Variants in DPP6 observed in about 807,000 individuals in gnomAD.
The protein encoded by DPP6 is dipeptidyl peptidase like 6, also known as A-type potassium channel modulatory protein DPP6.
Under a neutral mutation model 122.6 loss-of-function variants are expected in DPP6, and 69 were observed. The observed-to-expected ratio is 0.56, with a 90% CI of 0.46 to 0.69. The LOEUF (loss-of-function observed/expected upper bound fraction) is 0.69. DPP6 is among the 30% of genes least tolerant of loss of function. The probability of loss-of-function intolerance (pLI) is 0.00; values close to 1 mark genes in which losing one functional copy is unlikely to be tolerated. For missense variants in DPP6, 928 were observed against 1,116.9 expected, an observed-to-expected ratio of 0.83 and a Z score of 2.41; for synonymous variants, 418 against 433.1, an observed-to-expected ratio of 0.97 and a Z score of 0.43.
intron 1 of DPP6, among the ~76,000 whole-genome samples, chr7:154,018,031 G>C (rs1798513386): frequency 6.6e-6 from 1 of 152,188 alleles, no homozygotes; most frequent in Non-Finnish European, 1.5e-5. Context: ...CACCTGATCT[G>C]TATGGCCCTG....
At chr7:154,499,762 T>C (rs1312858294) in intron 3 of DPP6, among the ~76,000 whole-genome samples, 1 of 151,894 alleles carries the variant, frequency 6.6e-6, no homozygotes, top group Non-Finnish European at 1.5e-5. Context: ...CCCCCCCAGA[T>C]CCCATACACT....
chr7:153,960,395 A>G (rs41521746), intron 1 of DPP6, among the ~76,000 whole-genome samples: 13,688 of 152,190 alleles, frequency 0.09, 1,145 homozygotes, highest in East Asian at 0.45. Context: ...CATTGGTCAC[A>G]TTCTTAATAG....
At chr7:154,638,321 C>A (rs6961341) in intron 6 of DPP6, among the ~76,000 whole-genome samples, 1 of 152,174 alleles carries the variant, frequency 6.6e-6, no homozygotes, top group Middle Eastern at 3.4e-3. Context: ...TGGAACATAT[C>A]TATGGGATTA....
rs148609687 is a variant in DPP6 at position 154,129,402 on chromosome 7, A to G, written c.243+76339A>G. Among the ~76,000 whole-genome samples, 749 of 152,302 alleles carry G rather than the reference A, an allele frequency of 4.9e-3. 6 individuals are homozygous for G. Among genetic ancestry groups the G allele is most frequent in the African/African-American group, 0.017 (715 of 41,552 alleles). ...TCATTTTTAGAGGACAGAGCTGCTA[A>G]GCAGAAAGCGACAGGGGGCCCAACC... On this transcript the variant is annotated intron_variant, in intron 1 of 25. Coordinates refer to ENST00000377770, the MANE Select transcript of DPP6 (RefSeq NM_130797.4).
chr7:154,125,815 A>G (rs1807842795), intron 1 of DPP6, among the ~76,000 whole-genome samples: 1 of 152,174 alleles, frequency 6.6e-6, no homozygotes, highest in African/African-American at 2.4e-5. Flanking sequence ...CAAACAGATC[A>G]TCTTCTGGCC....
chr7:154,051,810 G>A (rs1412135947), upstream of DPP6, among the ~76,000 whole-genome samples: 11 of 150,958 alleles, frequency 7.3e-5, no homozygotes, highest in African/African-American at 2.4e-4. Flanking sequence ...GGAGAGAGGC[G>A]AAGGGAAGGG....
At chr7:153,808,232 AGTGTGCGTGTGTGC>A in the DPP6 span, among the ~76,000 whole-genome samples, 39 of 140,812 alleles carry the variant, frequency 2.8e-4, no homozygotes, top group Non-Finnish European at 5.7e-4. Context: ...TGCGTGCCTG[AGTGTGCGTGTGTGC>A]ACGTGCGTGC....
intron 1 of DPP6, among the ~76,000 whole-genome samples, chr7:153,933,670 C>G (rs1801281823): frequency 7.8e-6 from 1 of 128,064 alleles, no homozygotes; most frequent in Admixed American, 8.7e-5. Flanking sequence ...CAATGCCCTT[C>G]ACATTGCCAC....
intron 5 of DPP6, among the ~76,000 whole-genome samples, chr7:154,609,730 T>C (rs746501083): frequency 1.3e-5 from 2 of 152,206 alleles, no homozygotes; most frequent in Non-Finnish European, 2.9e-5. Flanking sequence ...TGTAGGAAGA[T>C]ATGTGTGCAC....
chr7:153,972,798 T>C (rs1205673164), intron 1 of DPP6, among the ~76,000 whole-genome samples: 1 of 151,814 alleles, frequency 6.6e-6, no homozygotes, highest in Non-Finnish European at 1.5e-5. Flanking sequence ...TAATTTGTTA[T>C]CTCTGAGCCT....
intron 1 of DPP6, among the ~76,000 whole-genome samples, chr7:154,112,442 C>G (rs1034224768): frequency 6.6e-6 from 1 of 151,884 alleles, no homozygotes. Context: ...GCCAGAAGTT[C>G]GAGACCAGCC....
chr7:154,364,619 T>C (rs1199782766), intron 1 of DPP6, among the ~76,000 whole-genome samples: 1 of 152,190 alleles, frequency 6.6e-6, no homozygotes, highest in African/African-American at 2.4e-5. Context: ...TTAGTCGCAG[T>C]ACCTTAGTCA....
At chr7:153,903,639 GC>G (rs1171772891) in intron 1 of DPP6, among the ~76,000 whole-genome samples, 1 of 152,158 alleles carries the variant, frequency 6.6e-6, no homozygotes, top group Non-Finnish European at 1.5e-5. Context: ...TCTTATTAAT[GC>G]CCTGTTGACT....
At chr7:154,848,958 A>C (rs865784989) in intron 16 of DPP6, among the ~76,000 whole-genome samples, 1 of 152,216 alleles carries the variant, frequency 6.6e-6, no homozygotes, top group African/African-American at 2.4e-5. Flanking sequence ...TTTGTGAAAA[A>C]TAAATTAACT....
intron 1 of DPP6, among the ~76,000 whole-genome samples, chr7:154,145,177 G>A (rs1796027464): frequency 6.6e-6 from 1 of 152,112 alleles, no homozygotes; most frequent in Non-Finnish European, 1.5e-5. Flanking sequence ...ATCTGGGTGG[G>A]CCTATTTAAA....
intron 8 of DPP6, among the ~76,000 whole-genome samples, chr7:154,757,657 C>T (rs1795218853): frequency 6.6e-6 from 1 of 152,232 alleles, no homozygotes; most frequent in Non-Finnish European, 1.5e-5. Flanking sequence ...TGGCTGAAGA[C>T]AGTGTCCTGG....
intron 3 of DPP6, among the ~76,000 whole-genome samples, chr7:154,504,141 T>C (rs1825479028): frequency 1.3e-5 from 2 of 152,276 alleles, no homozygotes; most frequent in East Asian, 3.9e-4. Context: ...TTAGAGCATT[T>C]TATGAAACAG....
chr7:153,868,173 G>A, the DPP6 span, among the ~76,000 whole-genome samples: 7 of 152,110 alleles, frequency 4.6e-5, no homozygotes, highest in African/African-American at 1.2e-4. Context: ...CATAAAATGA[G>A]TTAGGGAGGA....
At chr7:154,861,435 G>A (rs1290176720) in intron 17 of DPP6, among the ~76,000 whole-genome samples, 2 of 152,064 alleles carry the variant, frequency 1.3e-5, no homozygotes, top group African/African-American at 4.8e-5. Context: ...AAACATTTCT[G>A]GAACAAGTTC....
Sources: gnomAD v4.1 joint callset for allele counts (sites outside exome capture counted in the v4.1 genomes callset) on GRCh38, gnomAD v4.1.1 for gene constraint, MANE v1.5 for transcripts, NCBI Gene and HGNC (gene_info 2026-07-23, HGNC 2026-07-21) for gene names.